Variants in ST8SIA6 observed in about 807,000 individuals in gnomAD.
The protein encoded by ST8SIA6 is alpha-2,8-sialyltransferase 8F.
ST8SIA6 carries 39 observed loss-of-function variants against 33.6 expected under a neutral mutation model. That is an observed-to-expected ratio of 1.16 (90% CI 0.90 to 1.52). The LOEUF (loss-of-function observed/expected upper bound fraction) is 1.52, where lower values mean the gene tolerates loss of function less well. Ranked by LOEUF, ST8SIA6 falls within the 40% of genes most tolerant of loss-of-function variation. The pLI, the probability that ST8SIA6 is intolerant of heterozygous loss-of-function variation, is 0.00. For missense variants in ST8SIA6, 441 were observed against 443.8 expected, an observed-to-expected ratio of 0.99 and a Z score of 0.06; for synonymous variants, 172 against 167.2, an observed-to-expected ratio of 1.03 and a Z score of -0.22.
chr10:17,402,689 C>G (rs1306972520), intron 2 of ST8SIA6, among the ~76,000 whole-genome samples: 4 of 152,076 alleles, frequency 2.6e-5, no homozygotes, highest in Admixed American at 6.6e-5. Context: ...AAACCAAACA[C>G]CGCATGTTCT....
At chr10:17,394,357 A>G (rs1305451250) in intron 2 of ST8SIA6, among the ~76,000 whole-genome samples, 1 of 110,010 alleles carries the variant, frequency 9.1e-6, no homozygotes, top group Non-Finnish European at 2.0e-5. Flanking sequence ...TGCCTTTAAG[A>G]AAAAAAAAAA....
chr10:17,358,821 C>A (rs1849291047), intron 4 of ST8SIA6, among the ~76,000 whole-genome samples: 1 of 151,996 alleles, frequency 6.6e-6, no homozygotes, highest in African/African-American at 2.4e-5. Flanking sequence ...AAGCCCCGCC[C>A]CCCAAAAAAA....
chr10:17,331,888 C>A (rs2120715), intron 4 of ST8SIA6, among the ~76,000 whole-genome samples: 6,651 of 152,084 alleles, frequency 0.044, 354 homozygotes, highest in African/African-American at 0.12. Flanking sequence ...CCTATTAACC[C>A]GTCATCTAGG....
chr10:17,352,028 GATTTTAA>G (rs1410995747), intron 4 of ST8SIA6, among the ~76,000 whole-genome samples: 2 of 149,696 alleles, frequency 1.3e-5, no homozygotes, highest in African/African-American at 4.9e-5. Context: ...TAAAAGAGCA[GATTTTAA>G]ATGTTCTCAC....
chr10:17,376,102 C>A (rs1849909346), intron 3 of ST8SIA6, among the ~76,000 whole-genome samples: 1 of 152,194 alleles, frequency 6.6e-6, no homozygotes, highest in Non-Finnish European at 1.5e-5. Flanking sequence ...TCAAAACCCC[C>A]AACATGTCTC....
At position 17,393,445 on chromosome 10, in the gene ST8SIA6, T is replaced by C. The variant is rs571626902; in HGVS notation, c.201-2825A>G. On this transcript the variant is annotated intron_variant, in intron 2 of 7. Transcript: ENST00000377602. ...CATTTCAATAAGCTGCTTCTATAAT[T>C]GATGTGGCAGGAGAAGAACATGCTG... is the stretch of plus-strand genomic sequence containing the variant. 6.6e-5 allele frequency among the ~76,000 whole-genome samples: 10 copies of C among 152,348 alleles called. No individual in the cohort carries two copies. In the South Asian group the frequency reaches 2.1e-3, roughly 32 times the overall value.
Position 17,386,300 on chromosome 10 carries a change from A to G in ST8SIA6, c.290+4231T>C, listed in dbSNP as rs372555057. Among the ~76,000 whole-genome samples the G allele has an allele frequency of 4.0e-5, 6 of 151,750 alleles. No individual in the cohort carries two copies. In the East Asian group the frequency reaches 5.8e-4, roughly 15 times the overall value. On this transcript the variant is annotated intron_variant, in intron 3 of 7. Transcript: ENST00000377602. ...AGGTCAGGAGTTCGATCACAAGGTC[A>G]GGAGCTCGATCACAAGGTCAGGAGC...
chr10:17,441,918 G>T (rs1852510676), intron 2 of ST8SIA6, among the ~76,000 whole-genome samples: 1 of 151,112 alleles, frequency 6.6e-6, no homozygotes, highest in South Asian at 2.1e-4. Context: ...ACCCAGGCTG[G>T]AGTGCAGTGG....
At chr10:17,359,488 C>T (rs1329444646) in intron 4 of ST8SIA6, 26 bp downstream of exon 4, 1 of 1,509,886 alleles carries the variant, frequency 6.6e-7, no homozygotes, top group African/African-American at 1.4e-5. Context: ...TTTTTAAAAT[C>T]TCATATTATT....
intron 2 of ST8SIA6, among the ~76,000 whole-genome samples, chr10:17,443,223 T>C (rs1852568668): frequency 6.6e-6 from 1 of 152,186 alleles, no homozygotes; most frequent in Non-Finnish European, 1.5e-5. Context: ...ATACGTATTA[T>C]AGACTTAGAA....
chr10:17,435,750 A>G (rs1338798652), intron 2 of ST8SIA6, among the ~76,000 whole-genome samples: 1 of 152,136 alleles, frequency 6.6e-6, no homozygotes, highest in Non-Finnish European at 1.5e-5. Flanking sequence ...AAATCTGAAT[A>G]TTAATGGAGA....
At chr10:17,334,752 G>A (rs368463072) in intron 4 of ST8SIA6, among the ~76,000 whole-genome samples, 12 of 152,048 alleles carry the variant, frequency 7.9e-5, no homozygotes, top group Non-Finnish European at 1.2e-4. Context: ...ACCAAGCTAC[G>A]TTTCAAAATG....
intron 3 of ST8SIA6, among the ~76,000 whole-genome samples, chr10:17,384,508 G>A (rs1381999710): frequency 6.6e-6 from 1 of 152,174 alleles, no homozygotes. Flanking sequence ...GAAAAAAATT[G>A]TGTTTCAAAA....
At chr10:17,323,022 G>T in intron 7 of ST8SIA6, 43 bp downstream of exon 7, 2 of 1,534,572 alleles carry the variant, frequency 1.3e-6, no homozygotes, top group South Asian at 1.2e-5. Flanking sequence ...GTTGAACAAT[G>T]AAAAAGTGTT....
intron 2 of ST8SIA6, among the ~76,000 whole-genome samples, chr10:17,422,692 G>T (rs192576199): frequency 2.0e-5 from 3 of 152,114 alleles, no homozygotes; most frequent in South Asian, 4.1e-4. Context: ...GACTCTGAGG[G>T]GCAACAATTT....
intron 3 of ST8SIA6, among the ~76,000 whole-genome samples, chr10:17,388,594 T>C (rs538314529): frequency 4.6e-5 from 7 of 152,318 alleles, no homozygotes; most frequent in Non-Finnish European, 1.0e-4. Flanking sequence ...GGGTCTTCCT[T>C]GTATAGGATT....
intron 3 of ST8SIA6, among the ~76,000 whole-genome samples, chr10:17,368,285 A>G (rs1388107631): frequency 6.7e-6 from 1 of 149,558 alleles, no homozygotes; most frequent in Non-Finnish European, 1.5e-5. Flanking sequence ...GCATGGTGGC[A>G]CATGCCAGCT....
intron 2 of ST8SIA6, among the ~76,000 whole-genome samples, chr10:17,391,971 TCTC>T (rs1850632279): frequency 6.6e-6 from 1 of 152,180 alleles, no homozygotes; most frequent in Admixed American, 6.5e-5. Context: ...AAATCAACTA[TCTC>T]TTTCCTTAGA....
At chr10:17,399,398 A>G (rs1227176730) in intron 2 of ST8SIA6, among the ~76,000 whole-genome samples, 2 of 152,250 alleles carry the variant, frequency 1.3e-5, no homozygotes, top group Non-Finnish European at 2.9e-5. Context: ...TTAATTCAAA[A>G]TAGAGGAACT....
Sources: allele counts gnomAD v4.1 joint callset (sites outside exome capture counted in the v4.1 genomes callset), GRCh38; gene constraint gnomAD v4.1.1; transcripts MANE v1.5; gene names NCBI Gene and HGNC (gene_info 2026-07-23, HGNC 2026-07-21).